Variants in FBXW7 observed in about 807,000 individuals in gnomAD.
FBXW7 encodes F-box and WD repeat domain containing 7, also known as F-box/WD repeat-containing protein 7.
A neutral mutation model predicts 86.3 loss-of-function variants in FBXW7; 11 were observed. The observed-to-expected ratio is 0.13, with a 90% CI of 0.08 to 0.21. The LOEUF (loss-of-function observed/expected upper bound fraction) is 0.21, where lower values mean the gene tolerates loss of function less well. Among genes scored for constraint, FBXW7 ranks in the 10% least tolerant of loss-of-function variants. FBXW7 has a pLI of 1.00. For missense variants in FBXW7, 488 were observed against 847.4 expected (o/e 0.58, Z 5.27); for synonymous variants, 313 against 297.9 (o/e 1.05, Z -0.52).
At chr4:152,468,198 T>C (rs553945595) in intron 2 of FBXW7, among the ~76,000 whole-genome samples, 159 of 152,268 alleles carry the variant, frequency 1.0e-3, no homozygotes, top group Middle Eastern at 6.8e-3. Context: ...GTTGGTGGTA[T>C]TGTAAAATGG....
intron 2 of FBXW7, among the ~76,000 whole-genome samples, chr4:152,517,680 T>G (rs1748622326): frequency 6.6e-6 from 1 of 152,210 alleles, no homozygotes; most frequent in African/African-American, 2.4e-5. Context: ...CTCATAGAGC[T>G]ATCGTGAGGA....
chr4:152,374,157 C>CA (rs1734259041), intron 4 of FBXW7, among the ~76,000 whole-genome samples: 1 of 151,826 alleles, frequency 6.6e-6, no homozygotes, highest in African/African-American at 2.4e-5. Flanking sequence ...CAAACAAAAA[C>CA]AAAACAAACC....
chr4:152,454,251 G>GC (rs36064556), intron 2 of FBXW7, among the ~76,000 whole-genome samples: 4,580 of 100,022 alleles, frequency 0.046, 213 homozygotes, highest in African/African-American at 0.12. Flanking sequence ...AACTCTCTAA[G>GC]CCCCCCCCCC....
intron 6 of FBXW7, among the ~76,000 whole-genome samples, chr4:152,342,823 T>C (rs941596250): frequency 1.3e-5 from 2 of 152,244 alleles, no homozygotes; most frequent in African/African-American, 2.4e-5. Context: ...CCTACTTTTA[T>C]ACAAAAGTCG....
At chr4:152,386,750 G>A (rs541676651) in intron 4 of FBXW7, among the ~76,000 whole-genome samples, 244 of 152,152 alleles carry the variant, frequency 1.6e-3, no homozygotes, top group South Asian at 6.0e-3. Context: ...TTGTAGTAAA[G>A]AAAAGGTCTT....
chr4:152,374,659 C>T (rs1279333593), intron 4 of FBXW7, among the ~76,000 whole-genome samples: 1 of 151,934 alleles, frequency 6.6e-6, no homozygotes, highest in Admixed American at 6.6e-5. Flanking sequence ...AGTTTATAAC[C>T]TAACCAAGGA....
At chr4:152,350,562 AAAT>A (rs1455222255) in intron 4 of FBXW7, among the ~76,000 whole-genome samples, 2 of 151,790 alleles carry the variant, frequency 1.3e-5, no homozygotes, top group African/African-American at 4.8e-5. Flanking sequence ...GTAAAATCAG[AAAT>A]AATTATGAAA....
intron 5 of FBXW7, 133 bp downstream of exon 5, chr4:152,349,909 C>T (rs1229299551): frequency 9.5e-6 from 4 of 419,522 alleles, no homozygotes; most frequent in Non-Finnish European, 1.7e-5. Flanking sequence ...TCTCAATTTC[C>T]GGTAATCTCA....
intron 4 of FBXW7, among the ~76,000 whole-genome samples, chr4:152,379,515 T>C (rs945569578): frequency 6.6e-6 from 1 of 152,114 alleles, no homozygotes; most frequent in African/African-American, 2.4e-5. Flanking sequence ...TCTTTCTCTC[T>C]TCTAATTTTA....
chr4:152,327,771 C>T lies in FBXW7; in HGVS notation c.1418+437G>A, dbSNP rs544467702. ...AATGAGAGAACAAATTACCCACAGG[C>T]CTCAGCTTTTGCCTAGACTTAGAGA... On this transcript the variant is annotated intron_variant, in intron 11 of 13. Transcript: ENST00000281708. Among the ~76,000 whole-genome samples the T allele has an allele frequency of 2.0e-5, 3 of 152,070 alleles. No homozygotes were observed. In the South Asian group the frequency reaches 6.2e-4, roughly 32 times the overall value.
chr4:152,535,835 TGGCTCC>T lies in FBXW7; in HGVS notation c.-927_-922del, dbSNP rs959826498. ...CCGGCTCAGGCTCGGGCTCCGGCTC[TGGCTCC>T]GGCTCCGGCGTGTGCAGCCGCCGCT... On this transcript the variant is annotated 5_prime_UTR_variant, in exon 1 of 14. Transcript: ENST00000281708. 15 of 386,526 alleles carry T rather than the reference TGGCTCC, an allele frequency of 3.9e-5. No individual in the cohort carries two copies. The highest frequency in any genetic ancestry group is 1.1e-4 in the East Asian group (3 of 26,164). The allele number at this position is 386,526 out of a possible 1,614,324, so 23.9% of individuals were successfully genotyped here.
At chr4:152,493,259 G>A (rs1746029092) in intron 2 of FBXW7, among the ~76,000 whole-genome samples, 2 of 151,934 alleles carry the variant, frequency 1.3e-5, no homozygotes, top group African/African-American at 2.4e-5. Context: ...CTGCCTCCCA[G>A]GTTCAAGCGA....
At chr4:152,395,903 C>G (rs1303006335) in intron 4 of FBXW7, among the ~76,000 whole-genome samples, 6 of 151,990 alleles carry the variant, frequency 3.9e-5, no homozygotes, top group African/African-American at 1.4e-4. Context: ...TTTGCAAAAT[C>G]TGGACACCAA....
chr4:152,496,864 T>C (rs868842966), intron 2 of FBXW7, among the ~76,000 whole-genome samples: 2 of 152,274 alleles, frequency 1.3e-5, no homozygotes, highest in Middle Eastern at 3.4e-3. Context: ...AAAATTTTCA[T>C]TGAGAGAAGA....
intron 2 of FBXW7, among the ~76,000 whole-genome samples, chr4:152,482,791 T>C (rs1403044943): frequency 4.6e-5 from 7 of 152,204 alleles, no homozygotes; most frequent in Non-Finnish European, 1.0e-4. Context: ...ATTCTATATT[T>C]GTCTTTATTC....
intron 4 of FBXW7, among the ~76,000 whole-genome samples, chr4:152,369,608 T>C (rs181347559): frequency 7.8e-4 from 118 of 152,172 alleles, no homozygotes; most frequent in African/African-American, 2.8e-3. Context: ...AAAAAAGATG[T>C]ACCAATTAAA....
intron 5 of FBXW7, among the ~76,000 whole-genome samples, chr4:152,349,691 T>C (rs1731615234): frequency 6.6e-6 from 1 of 151,884 alleles, no homozygotes; most frequent in East Asian, 1.9e-4. Context: ...TTTCCATACA[T>C]AAATGTCTAC....
intron 2 of FBXW7, among the ~76,000 whole-genome samples, chr4:152,496,200 T>A (rs566252226): frequency 6.6e-6 from 1 of 152,050 alleles, no homozygotes; most frequent in African/African-American, 2.4e-5. Context: ...CAAAAACAAC[T>A]AAGAATTCAG....
chr4:152,364,630 G>A (rs548455848), intron 4 of FBXW7, among the ~76,000 whole-genome samples: 3 of 152,232 alleles, frequency 2.0e-5, no homozygotes, highest in Non-Finnish European at 2.9e-5. Flanking sequence ...TTTTCCATCT[G>A]AATACATAGA....
Sources: gnomAD v4.1 joint callset for allele counts (sites outside exome capture counted in the v4.1 genomes callset) on GRCh38, gnomAD v4.1.1 for gene constraint, MANE v1.5 for transcripts, NCBI Gene and HGNC (gene_info 2026-07-23, HGNC 2026-07-21) for gene names.